Variants in UGGT2 observed in about 807,000 individuals in gnomAD.
The protein encoded by UGGT2 is UDP-glucose glycoprotein glucosyltransferase 2.
In UGGT2, 180 loss-of-function variants were observed where a neutral mutation model predicts 192.1. The observed-to-expected ratio is 0.94, with a 90% CI of 0.83 to 1.06. The LOEUF (loss-of-function observed/expected upper bound fraction) is 1.06. Among genes scored for constraint, UGGT2 ranks in the 50% least tolerant of loss-of-function variants. UGGT2 has a pLI of 0.00. For synonymous variants in UGGT2, 580 were observed against 591.0 expected, an observed-to-expected ratio of 0.98 and a Z score of 0.27; for missense variants, 1,849 against 1,795.7, an observed-to-expected ratio of 1.03 and a Z score of -0.54.
At position 95,876,679 on chromosome 13, in the gene UGGT2, T is replaced by G. The variant is rs180901493; in HGVS notation, c.3473+600A>C. Among the ~76,000 whole-genome samples the G allele has an allele frequency of 3.0e-3, 458 of 152,292 alleles. 3 individuals carry two copies. The highest frequency in any genetic ancestry group is 0.011 in the African/African-American group (441 of 41,566). On this transcript the variant is annotated intron_variant, in intron 29 of 38. Transcript: ENST00000376747. Reference sequence around the variant, plus strand: ...GTAATGCATGTAATGTAAATTATCCTACACTCTTCAATGTGTCTTTCTTAT... The same window carrying G: ...GTAATGCATGTAATGTAAATTATCCGACACTCTTCAATGTGTCTTTCTTAT...
At chr13:95,904,638 T>C (rs1398382970) in intron 20 of UGGT2, among the ~76,000 whole-genome samples, 1 of 152,158 alleles carries the variant, frequency 6.6e-6, no homozygotes, top group African/African-American at 2.4e-5. Context: ...TCATTTTTTA[T>C]GGCTGCATAG....
At chr13:95,931,763 A>C (rs1269942405) in intron 17 of UGGT2, among the ~76,000 whole-genome samples, 4 of 152,042 alleles carry the variant, frequency 2.6e-5, no homozygotes, top group Non-Finnish European at 5.9e-5. Flanking sequence ...GCCCACCCGG[A>C]ACTCGCGCTG....
chr13:95,839,352 A>T (rs1887625604), intron 36 of UGGT2, among the ~76,000 whole-genome samples: 1 of 151,938 alleles, frequency 6.6e-6, no homozygotes, highest in East Asian at 1.9e-4. Flanking sequence ...GTCTCTACGA[A>T]TTTGTTTAGT....
intron 1 of UGGT2, among the ~76,000 whole-genome samples, chr13:96,041,208 C>T (rs570420356): frequency 6.6e-6 from 1 of 152,274 alleles, no homozygotes; most frequent in African/African-American, 2.4e-5. Context: ...GGATTGTCTG[C>T]CCCTGAAAAC....
intron 15 of UGGT2, among the ~76,000 whole-genome samples, chr13:95,945,643 G>A (rs1301994581): frequency 2.6e-5 from 4 of 152,094 alleles, no homozygotes; most frequent in Non-Finnish European, 5.9e-5. Flanking sequence ...AGGTTTCTAA[G>A]TTTTGAATAT....
At chr13:96,053,027 A>G (rs925635470) in intron 1 of UGGT2, 128 bp downstream of exon 1, 4 of 1,276,742 alleles carry the variant, frequency 3.1e-6, no homozygotes, top group South Asian at 1.7e-5. Flanking sequence ...GGTGATGCTC[A>G]GGGCCAGAGC....
chr13:95,908,116 A>C (rs1352214001), intron 20 of UGGT2, among the ~76,000 whole-genome samples: 1 of 152,234 alleles, frequency 6.6e-6, no homozygotes, highest in Non-Finnish European at 1.5e-5. Context: ...AAGCTTCAAT[A>C]GCAGATTCAA....
intron 17 of UGGT2, among the ~76,000 whole-genome samples, chr13:95,927,709 G>A (rs921167168): frequency 6.6e-6 from 1 of 151,630 alleles, no homozygotes; most frequent in Non-Finnish European, 1.5e-5. Flanking sequence ...GGTGTTTCTC[G>A]GAGAGGGGGA....
In UGGT2 at chr13:95,930,923, A is replaced by G. The variant is rs1225870930; in HGVS notation, c.1978-3587T>C. The stretch of plus-strand genomic sequence containing the variant: ...CAGCTCTCAAAGGCAGCACGGACCC[A>G]AAGACTGAGCAGCAGAAAGATTTAC... On this transcript the variant is annotated intron_variant, in intron 17 of 38. Coordinates refer to ENST00000376747, the MANE Select transcript of UGGT2 (RefSeq NM_020121.4). Among the ~76,000 whole-genome samples, 3 of 152,314 alleles carry G rather than the reference A, an allele frequency of 2.0e-5. No homozygotes were observed. The East Asian group carries it at 5.8e-4, about 29-fold the overall frequency.
intron 20 of UGGT2, among the ~76,000 whole-genome samples, chr13:95,920,751 G>A (rs1026515839): frequency 1.3e-5 from 2 of 152,148 alleles, no homozygotes; most frequent in African/African-American, 4.8e-5. Flanking sequence ...ATAAAAATTA[G>A]GTCAGCCACT....
At chr13:95,843,808 C>A (rs901633675) in intron 36 of UGGT2, among the ~76,000 whole-genome samples, 1 of 151,972 alleles carries the variant, frequency 6.6e-6, no homozygotes, top group Admixed American at 6.6e-5. Flanking sequence ...GTTCTTTATT[C>A]TAATTCATGG....
At chr13:95,935,951 C>T (rs138269639) in intron 17 of UGGT2, among the ~76,000 whole-genome samples, 24 of 152,210 alleles carry the variant, frequency 1.6e-4, no homozygotes, top group Non-Finnish European at 2.6e-4. Flanking sequence ...CTCAGCCTTT[C>T]GAGCAGCTGG....
chr13:95,860,702 C>T (rs1890078793), intron 32 of UGGT2, 86 bp downstream of exon 32: 2 of 769,524 alleles, frequency 2.6e-6, no homozygotes, highest in Non-Finnish European at 3.7e-6. Flanking sequence ...TTTTTTTTTC[C>T]CAGTGTATAT....
chr13:95,820,564 T>C (rs1003922468), intron 38 of UGGT2, among the ~76,000 whole-genome samples: 1 of 152,182 alleles, frequency 6.6e-6, no homozygotes, highest in Non-Finnish European at 1.5e-5. Context: ...CCAGCACATA[T>C]AAGAATAATA....
chr13:95,832,921 A>C lies in UGGT2; in HGVS notation c.4528+6T>G, dbSNP rs113008706. The C allele has an allele frequency of 6.2e-7, 1 of 1,611,776 alleles. No individual in the cohort carries two copies. Among genetic ancestry groups the C allele is most frequent in the Non-Finnish European group, 8.5e-7 (1 of 1,178,602 alleles). On this transcript the variant is annotated splice_donor_region_variant and intron_variant, in intron 38 of 38. Transcript: ENST00000376747. Reference sequence around the variant, plus strand: ...TTTCAGACATCACAACACGTTGATGACTTACTTGTATCTTGCTTCTTGTTT... The same window carrying C: ...TTTCAGACATCACAACACGTTGATGCCTTACTTGTATCTTGCTTCTTGTTT...
chr13:95,805,546 T>C (rs900902544), intron 38 of UGGT2, among the ~76,000 whole-genome samples: 2 of 152,148 alleles, frequency 1.3e-5, no homozygotes, highest in Non-Finnish European at 2.9e-5. Flanking sequence ...GATGGATGAA[T>C]GGGTAAACAA....
At chr13:95,849,626 T>C (rs1336148236) in intron 36 of UGGT2, among the ~76,000 whole-genome samples, 7 of 151,686 alleles carry the variant, frequency 4.6e-5, no homozygotes, top group Non-Finnish European at 1.0e-4. Flanking sequence ...TTATTCTTTA[T>C]TTCAGACACC....
chr13:95,938,349 T>C (rs1421329002), intron 16 of UGGT2, among the ~76,000 whole-genome samples: 1 of 152,196 alleles, frequency 6.6e-6, no homozygotes, highest in Non-Finnish European at 1.5e-5. Context: ...AAAAAGTGAC[T>C]AAATAACTCA....
At chr13:95,996,189 A>T in intron 6 of UGGT2, 54 bp from the exon 7 acceptor site, 1 of 1,489,258 alleles carries the variant, frequency 6.7e-7, no homozygotes, top group Non-Finnish European at 9.3e-7. Context: ...AGACTGGGAA[A>T]AGAACATGTA....
Sources: allele counts gnomAD v4.1 joint callset (sites outside exome capture counted in the v4.1 genomes callset), GRCh38; gene constraint gnomAD v4.1.1; transcripts MANE v1.5; gene names NCBI Gene and HGNC (gene_info 2026-07-23, HGNC 2026-07-21).